MSR1: variants seen among roughly 807,000 people sequenced by gnomAD.
MSR1 encodes the protein macrophage scavenger receptor types I and II.
MSR1 carries 53 observed loss-of-function variants against 47.2 expected under a neutral mutation model. The observed-to-expected ratio is 1.12, with a 90% CI of 0.90 to 1.41. MSR1 has a LOEUF of 1.41. Among genes scored for constraint, MSR1 ranks in the 40% most tolerant of loss-of-function variants. The pLI, the probability that MSR1 is intolerant of heterozygous loss-of-function variation, is 0.00. For missense variants in MSR1, 786 were observed against 546.9 expected, an observed-to-expected ratio of 1.44 and a Z score of -4.36; for synonymous variants, 239 against 185.6, an observed-to-expected ratio of 1.29 and a Z score of -2.34.
At chr8:16,155,422 G>A (rs1800978719) in intron 5 of MSR1, among the ~76,000 whole-genome samples, 1 of 151,938 alleles carries the variant, frequency 6.6e-6, no homozygotes. Flanking sequence ...AGAACCTGGG[G>A]GCAGAGAAAA....
At chr8:16,120,829 A>C in intron 8 of MSR1, 2 of 587,146 alleles carry the variant, frequency 3.4e-6, no homozygotes, top group Admixed American at 3.1e-5. Context: ...AGCAAAATCC[A>C]ATCTGTCTTA....
At chr8:16,133,293 T>C (rs1237303876) in intron 8 of MSR1, among the ~76,000 whole-genome samples, 1 of 152,174 alleles carries the variant, frequency 6.6e-6, no homozygotes, top group Non-Finnish European at 1.5e-5. Flanking sequence ...TGTAATCTTC[T>C]CATTATTGAA....
chr8:16,171,732 T>C (rs1480154373), intron 3 of MSR1, among the ~76,000 whole-genome samples: 2 of 152,188 alleles, frequency 1.3e-5, no homozygotes, highest in East Asian at 1.9e-4. Flanking sequence ...TCCTCTAACG[T>C]TGTCCTTTTT....
chr8:16,117,482 T>C (rs1423182531), intron 9 of MSR1, among the ~76,000 whole-genome samples: 2 of 152,172 alleles, frequency 1.3e-5, no homozygotes, highest in African/African-American at 2.4e-5. Context: ...CTGCATCTGA[T>C]GGCAGGCTTT....
At chr8:16,181,174 A>G (rs985322026) in intron 1 of MSR1, among the ~76,000 whole-genome samples, 1 of 152,194 alleles carries the variant, frequency 6.6e-6, no homozygotes, top group Non-Finnish European at 1.5e-5. Context: ...ACTTTAAAAT[A>G]TAGTTGAATA....
At chr8:16,126,902 TG>T (rs1563142081) in intron 8 of MSR1, among the ~76,000 whole-genome samples, 1 of 152,098 alleles carries the variant, frequency 6.6e-6, no homozygotes, top group Non-Finnish European at 1.5e-5. Flanking sequence ...TAAATCCTCA[TG>T]GGGAGAACAC....
chr8:16,120,486 T>C lies in MSR1; in HGVS notation c.1154A>G (p.Gln385Arg). 6.2e-7 allele frequency: 1 copy of C among 1,613,954 alleles called. No individual in the cohort carries two copies. The highest frequency in any genetic ancestry group is 8.5e-7 in the Non-Finnish European group (1 of 1,179,938). Residue 385 changes from glutamine (Q) to arginine (R), a missense_variant, in exon 9 of 10, where the codon CAG becomes CGG. Gln to Arg is a conservative substitution (Grantham distance 43). Transcript: ENST00000262101. Reference protein sequence around the residue: ...CDDRWEVRVGQVVCRSLGYPG... With the variant: ...CDDRWEVRVGRVVCRSLGYPG... ...GTATCCCAAGCTCCTACAGACGACC[T>C]GTCCAACGCGCACTTCCCAGCGATC...
At chr8:16,172,139 T>G (rs1226289430) in intron 3 of MSR1, among the ~76,000 whole-genome samples, 1 of 152,216 alleles carries the variant, frequency 6.6e-6, no homozygotes, top group Admixed American at 6.5e-5. Context: ...CTCTCTGCTT[T>G]ATTTTACTAT....
chr8:16,129,129 G>T (rs1174747869), intron 8 of MSR1, among the ~76,000 whole-genome samples: 1 of 152,106 alleles, frequency 6.6e-6, no homozygotes, highest in Non-Finnish European at 1.5e-5. Flanking sequence ...CTGAATATTT[G>T]TATGCAGTTA....
At chr8:16,150,888 G>GCACACACACACA (rs754386463) in intron 6 of MSR1, among the ~76,000 whole-genome samples, 17 of 115,802 alleles carry the variant, frequency 1.5e-4, no homozygotes, top group South Asian at 4.9e-4. Flanking sequence ...ACACACACAT[G>GCACACACACACA]CGATACACAG....
At chr8:16,166,514 T>C (rs2117176346) in intron 4 of MSR1, among the ~76,000 whole-genome samples, 1 of 152,086 alleles carries the variant, frequency 6.6e-6, no homozygotes, top group East Asian at 1.9e-4. Context: ...GTGTTTACAT[T>C]TGTCAAATTT....
intron 8 of MSR1, chr8:16,140,843 G>C (rs1338740012): frequency 6.4e-7 from 1 of 1,570,964 alleles, no homozygotes; most frequent in Non-Finnish European, 8.6e-7. Flanking sequence ...GGGACCAGGA[G>C]AGAAGGCCAT....
rs36123728 is a variant in MSR1 at position 16,164,387 on chromosome 8, G to C, written c.631-136C>G. The C allele has an allele frequency of 4.4e-3, 3,098 of 699,694 alleles. 75 individuals are homozygous for C. In the African/African-American group the frequency reaches 0.048, roughly 11 times the overall value. The allele number at this position is 699,694 out of a possible 1,614,324, so 43.3% of individuals were successfully genotyped here. A position where few individuals can be genotyped will look rare whatever the true frequency, so the allele number is the denominator to read the frequency against. ...TTATGGAATAAGAATATAGAAATTA[G>C]AAAACTGTTTTGAAAGTAGTAATTC... On this transcript the variant is annotated intron_variant, in intron 4 of 9. Transcript: ENST00000262101.
At chr8:16,134,369 T>A (rs1184614656) in intron 8 of MSR1, among the ~76,000 whole-genome samples, 1 of 152,152 alleles carries the variant, frequency 6.6e-6, no homozygotes, top group Non-Finnish European at 1.5e-5. Flanking sequence ...ATATTTTCCA[T>A]GATTTTTTGA....
At position 16,120,615 on chromosome 8, in the gene MSR1, TTAAAAA is replaced by T. The variant is rs758932057; in HGVS notation, c.1034-15_1034-10del. The T allele has an allele frequency of 4.7e-3, 6,288 of 1,325,632 alleles. 16 individuals carry two copies. Among genetic ancestry groups the T allele is most frequent in the East Asian group, 0.024 (800 of 32,836 alleles). The allele number at this position is 1,325,632 out of a possible 1,614,324, so 82.1% of individuals were successfully genotyped here. On this transcript the variant is annotated splice_polypyrimidine_tract_variant and intron_variant, in intron 8 of 9. Coordinates refer to ENST00000262101, the MANE Select transcript of MSR1 (RefSeq NM_138715.3). ...AACTTTCGTAAATGGAGCTGTAAAG[TTAAAAA>T]AAAAAAAAAAAAAAAAAAAAGGCAA...
chr8:16,192,357 T>C (rs1802221660), intron 1 of MSR1, among the ~76,000 whole-genome samples: 1 of 152,202 alleles, frequency 6.6e-6, no homozygotes, highest in Admixed American at 6.5e-5. Context: ...TCATATGTAC[T>C]TGTGAACATA....
intron 8 of MSR1, chr8:16,139,765 AAAAAAAAAAATATATATATAT>A (rs1800490653): frequency 1.2e-5 from 2 of 161,554 alleles, no homozygotes; most frequent in African/African-American, 7.8e-5. Flanking sequence ...AAAAAAAAAA[AAAAAAAAAAATATATATATAT>A]ATATATATAT....
chr8:16,128,614 C>T (rs1018880035), intron 8 of MSR1, among the ~76,000 whole-genome samples: 6 of 152,056 alleles, frequency 3.9e-5, no homozygotes, highest in Non-Finnish European at 7.4e-5. Flanking sequence ...CAGACTAATA[C>T]GTTTTCTTTT....
intron 4 of MSR1, among the ~76,000 whole-genome samples, chr8:16,165,302 T>A (rs1801273288): frequency 1.3e-5 from 2 of 152,090 alleles, no homozygotes; most frequent in Non-Finnish European, 2.9e-5. Context: ...ATTAATATAT[T>A]TAAGTTTGCA....
Sources: allele counts gnomAD v4.1 joint callset (sites outside exome capture counted in the v4.1 genomes callset), GRCh38; gene constraint gnomAD v4.1.1; transcripts MANE v1.5; gene names NCBI Gene and HGNC (gene_info 2026-07-23, HGNC 2026-07-21).